TNS1: variants seen among roughly 807,000 people sequenced by gnomAD.
TNS1 encodes tensin-1.
Under a neutral mutation model 168.6 loss-of-function variants are expected in TNS1, and 62 were observed. The ratio of observed to expected loss-of-function variants is 0.37; its 90% confidence interval spans 0.30 to 0.45. TNS1 has a LOEUF of 0.45. TNS1 is among the 20% of genes least tolerant of loss of function. The pLI, the probability that TNS1 is intolerant of heterozygous loss-of-function variation, is 1.00. For synonymous variants in TNS1, 934 were observed against 933.2 expected, an observed-to-expected ratio of 1.00 and a Z score of -0.02; for missense variants, 2,240 against 2,339.4, an observed-to-expected ratio of 0.96 and a Z score of 0.88.
chr2:217,989,481 G>A (rs1213453292), intron 2 of TNS1, among the ~76,000 whole-genome samples: 1 of 152,136 alleles, frequency 6.6e-6, no homozygotes, highest in Non-Finnish European at 1.5e-5. Context: ...GGGACGTGGG[G>A]GTGAAGGAGA....
intron 22 of TNS1, among the ~76,000 whole-genome samples, chr2:217,823,430 A>G (rs1943170983): frequency 6.6e-6 from 1 of 152,184 alleles, no homozygotes; most frequent in Non-Finnish European, 1.5e-5. Flanking sequence ...CCTTAGCCCA[A>G]AGAAAACCTT....
chr2:217,946,724 T>C (rs1204628373), intron 3 of TNS1, among the ~76,000 whole-genome samples: 3 of 151,552 alleles, frequency 2.0e-5, no homozygotes, highest in African/African-American at 7.3e-5. Context: ...ACACTATCCA[T>C]CCCCTACCCC....
rs546710826 is a variant in TNS1 at position 217,967,403 on chromosome 2, A to G, written c.186+11362T>C. Among the ~76,000 whole-genome samples, 7 of 152,290 alleles carry G rather than the reference A, an allele frequency of 4.6e-5. No individual in the cohort carries two copies. The South Asian group carries it at 1.5e-3, about 32-fold the overall frequency. Reference sequence around the variant, plus strand: ...TAAGGAAAAGGTAAATTCTTTGAAAAGATCAACAAAATTGGCAAAACTTCA... The same window carrying G: ...TAAGGAAAAGGTAAATTCTTTGAAAGGATCAACAAAATTGGCAAAACTTCA... On this transcript the variant is annotated intron_variant, in intron 3 of 32. Coordinates refer to ENST00000682258, the MANE Select transcript of TNS1 (RefSeq NM_001387777.1).
intron 12 of TNS1, among the ~76,000 whole-genome samples, chr2:217,887,396 C>T (rs1951312969): frequency 6.6e-6 from 1 of 152,198 alleles, no homozygotes; most frequent in South Asian, 2.1e-4. Context: ...GCAACCTCTG[C>T]CTCCCGGGTT....
At chr2:217,926,627 T>A (rs935106690) in intron 3 of TNS1, among the ~76,000 whole-genome samples, 5 of 152,240 alleles carry the variant, frequency 3.3e-5, no homozygotes, top group African/African-American at 4.8e-5. Context: ...TTAAGCAATT[T>A]ACCCCAAGTG....
exon 1 of TNS1, chr2:218,010,176 C>T (rs1279426986): frequency 4.5e-5 from 18 of 399,022 alleles, no homozygotes; most frequent in African/African-American, 1.0e-4. Context: ...GCAGGAGAAG[C>T]ACCAACTCAG....
chr2:217,821,890 G>T lies in TNS1; in HGVS notation c.3422C>A (p.Pro1141His). 1 of 1,589,628 alleles carries T rather than the reference G, an allele frequency of 6.3e-7. No individual in the cohort carries two copies. The highest frequency in any genetic ancestry group is 2.3e-5 in the East Asian group (1 of 43,564). Residue 1141 changes from proline (P) to histidine (H), a missense_variant, in exon 23 of 33, where the codon CCC (proline) becomes CAC (histidine). This residue lies in a region of TNS1 where 2,131 missense variants were observed against 2,171.2 expected (regional missense o/e 0.98). Transcript: ENST00000682258. ...CTTGGGCTCAGAGTCCTGAGCTCGG[G>T]GTCCAGCCACCGCTGTCCGTGCCAC... is the stretch of plus-strand genomic sequence containing the variant. Reference protein sequence around the residue: ...ESVARTAVAGPRAQDSEPKSF... With the variant: ...ESVARTAVAGHRAQDSEPKSF...
intron 3 of TNS1, among the ~76,000 whole-genome samples, chr2:217,925,028 T>G (rs1955940675): frequency 6.6e-6 from 1 of 152,218 alleles, no homozygotes; most frequent in Non-Finnish European, 1.5e-5. Context: ...CTTACTTCTT[T>G]ATGAATACGG....
chr2:218,005,196 C>A (rs968233351), upstream of TNS1, among the ~76,000 whole-genome samples: 1 of 152,238 alleles, frequency 6.6e-6, no homozygotes, highest in African/African-American at 2.4e-5. Context: ...GAAGACGCCT[C>A]CAGGCAGCTT....
Position 217,813,746 on chromosome 2 carries a change from C to A in TNS1, c.4800G>T (p.Ala1600=). ...IIRDSHSFRG[A]YGLAMKVSSP... ...AAGACACCTTCATGGCCAGCCCGTACGCGCCTCGGAAGGAGTGACTGTCGC... is the reference window on the plus strand; with the variant it reads ...AAGACACCTTCATGGCCAGCCCGTAAGCGCCTCGGAAGGAGTGACTGTCGC... Residue 1600 remains alanine, a synonymous_variant, in exon 26 of 33, where the codon GCG becomes GCT. Coordinates refer to ENST00000682258, the MANE Select transcript of TNS1 (RefSeq NM_001387777.1). The surrounding 1 kb of genome is among the most constrained non-coding windows in gnomAD (Gnocchi z 4.0). 1 of 1,613,924 alleles carries A rather than the reference C, an allele frequency of 6.2e-7. No homozygotes were observed. Among genetic ancestry groups the A allele is most frequent in the Non-Finnish European group, 8.5e-7 (1 of 1,179,906 alleles).
At chr2:218,013,434 C>A (rs1958727141), upstream of TNS1, among the ~76,000 whole-genome samples, 1 of 152,128 alleles carries the variant, frequency 6.6e-6, no homozygotes, top group Non-Finnish European at 1.5e-5. Flanking sequence ...ATCAGGGAAG[C>A]CTGGGCAGGT....
chr2:217,886,503 G>T, intron 13 of TNS1, 31 bp downstream of exon 13: 1 of 1,518,840 alleles, frequency 6.6e-7, no homozygotes, highest in South Asian at 1.2e-5. Flanking sequence ...GAGTTGGCAA[G>T]GGTGGAGGTC....
intron 24 of TNS1, among the ~76,000 whole-genome samples, chr2:217,816,983 G>T (rs2125146866): frequency 6.6e-6 from 1 of 152,338 alleles, no homozygotes; most frequent in South Asian, 2.1e-4. Flanking sequence ...AGAGGCAAAG[G>T]TGGCAAGTTC....
upstream of TNS1, among the ~76,000 whole-genome samples, chr2:218,013,614 G>T (rs1363080255): frequency 1.3e-5 from 2 of 151,156 alleles, no homozygotes; most frequent in Admixed American, 1.3e-4. Context: ...GGGACTGCTT[G>T]TCCCCCTGCT....
chr2:217,915,719 G>A (rs977737210), intron 4 of TNS1, among the ~76,000 whole-genome samples: 3 of 152,170 alleles, frequency 2.0e-5, no homozygotes, highest in Non-Finnish European at 2.9e-5. Flanking sequence ...GCAGCCTGGG[G>A]AGAAACACAG....
intron 3 of TNS1, among the ~76,000 whole-genome samples, chr2:217,940,992 C>T (rs1229778741): frequency 6.6e-6 from 1 of 152,160 alleles, no homozygotes; most frequent in African/African-American, 2.4e-5. Context: ...CTAAGAGGCC[C>T]TTGAGAGCAA....
chr2:217,920,108 C>T (rs1326201506), intron 4 of TNS1, 87 bp downstream of exon 4: 1 of 701,810 alleles, frequency 1.4e-6, no homozygotes, highest in Non-Finnish European at 2.6e-6. Flanking sequence ...CAGTTACCAA[C>T]ATATTTGGGT....
chr2:218,010,285 T>A, exon 1 of TNS1: 1 of 396,706 alleles, frequency 2.5e-6, no homozygotes, highest in Non-Finnish European at 4.4e-6. Flanking sequence ...TGGGGCGGGG[T>A]AGGAAGGCGG....
intron 1 of TNS1, among the ~76,000 whole-genome samples, 164 bp downstream of exon 1, chr2:218,002,676 T>TC (rs1221761325): frequency 6.6e-6 from 1 of 152,032 alleles, no homozygotes; most frequent in Non-Finnish European, 1.5e-5. Context: ...TGAGGGTTGC[T>TC]CAAGTCAGTC....
Sources: allele counts gnomAD v4.1 joint callset (sites outside exome capture counted in the v4.1 genomes callset), GRCh38; gene constraint gnomAD v4.1.1; regional missense constraint gnomAD v4.1.1; non-coding constraint Gnocchi (gnomAD v3.1); transcripts MANE v1.5; gene names NCBI Gene and HGNC (gene_info 2026-07-23, HGNC 2026-07-21).